ANK1: variants seen among roughly 807,000 people sequenced by gnomAD.
ANK1 encodes ankyrin 1, also known as ankyrin-1.
A neutral mutation model predicts 210.4 loss-of-function variants in ANK1; 51 were observed. The observed-to-expected ratio is 0.24, with a 90% CI of 0.19 to 0.31. The LOEUF (loss-of-function observed/expected upper bound fraction) is 0.31. ANK1 is among the 10% of genes least tolerant of loss of function. The pLI is 1.00. For missense variants in ANK1, 2,051 were observed against 2,504.4 expected, an observed-to-expected ratio of 0.82 and a Z score of 3.86; for synonymous variants, 967 against 1,025.9, an observed-to-expected ratio of 0.94 and a Z score of 1.10.
intron 1 of ANK1, among the ~76,000 whole-genome samples, chr8:41,881,918 G>T (rs903120588): frequency 3.9e-5 from 6 of 152,200 alleles, no homozygotes; most frequent in African/African-American, 1.4e-4. Context: ...ATGGAGAGAA[G>T]ATCAGCCACA....
At position 41,754,874 on chromosome 8, in the gene ANK1, C is replaced by T. The variant is rs1021134556; in HGVS notation, c.129+3162G>A. ...GAACCCTGACCAGCTCCTTTCCAGG[C>T]GCAGCCACCTGCAGCTACCTGTTCT... On this transcript the variant is annotated intron_variant, in intron 2 of 42. Coordinates refer to ENST00000289734, the MANE Select transcript of ANK1 (RefSeq NM_000037.4). Among the ~76,000 whole-genome samples the T allele has an allele frequency of 4.6e-5, 7 of 152,208 alleles. No individual in the cohort carries two copies. In the East Asian group the frequency reaches 7.7e-4, roughly 17 times the overall value.
At chr8:41,661,164 C>T (rs1310625824) in intron 42 of ANK1, 2 of 484,306 alleles carry the variant, frequency 4.1e-6, no homozygotes, top group Non-Finnish European at 7.5e-6. Flanking sequence ...ACATGAGCCA[C>T]TGTGCCCGGC....
At chr8:41,678,003 G>A (rs1814756622) in intron 37 of ANK1, among the ~76,000 whole-genome samples, 1 of 152,044 alleles carries the variant, frequency 6.6e-6, no homozygotes, top group African/African-American at 2.4e-5. Flanking sequence ...TTCACCACTG[G>A]TTTTGACCAG....
intron 1 of ANK1, among the ~76,000 whole-genome samples, chr8:41,854,010 G>A (rs1811749753): frequency 6.6e-6 from 1 of 152,146 alleles, no homozygotes; most frequent in Non-Finnish European, 1.5e-5. Flanking sequence ...TTCCTATGAA[G>A]GACTGAAATG....
chr8:41,870,555 C>T (rs780656415), intron 1 of ANK1, among the ~76,000 whole-genome samples: 4 of 152,166 alleles, frequency 2.6e-5, no homozygotes, highest in African/African-American at 4.8e-5. Flanking sequence ...CCATGGATCA[C>T]GGAAGGAGCT....
At chr8:41,723,298 T>A in intron 8 of ANK1, 75 bp from the exon 9 acceptor site, 1 of 1,491,618 alleles carries the variant, frequency 6.7e-7, no homozygotes, top group Non-Finnish European at 9.3e-7. Flanking sequence ...AGACTGCCTA[T>A]GGCATCATCC....
At chr8:41,768,980 T>TA (rs1842455167) in intron 1 of ANK1, among the ~76,000 whole-genome samples, 1 of 151,528 alleles carries the variant, frequency 6.6e-6, no homozygotes, top group South Asian at 2.1e-4. Context: ...TCTAAAAAAA[T>TA]AAAAATTAAA....
intron 42 of ANK1, among the ~76,000 whole-genome samples, chr8:41,658,516 G>C (rs901811594): frequency 5.9e-5 from 9 of 152,216 alleles, no homozygotes; most frequent in African/African-American, 2.2e-4. Flanking sequence ...GCAGGAGGAG[G>C]CCTTGATTCT....
chr8:41,705,480 C>T (rs549827485), intron 18 of ANK1, among the ~76,000 whole-genome samples: 98 of 152,224 alleles, frequency 6.4e-4, no homozygotes, highest in African/African-American at 2.3e-3. Flanking sequence ...ACATTGTTGC[C>T]GGCATTTCTG....
chr8:41,802,344 A>G (rs1206290280), upstream of ANK1, among the ~76,000 whole-genome samples: 5 of 152,148 alleles, frequency 3.3e-5, no homozygotes, highest in Non-Finnish European at 5.9e-5. Context: ...TATTTTGTGT[A>G]TGATGTGAGT....
rs891304323 is a variant in ANK1 at position 41,717,759 on chromosome 8, A to G, written c.1207-57T>C. On this transcript the variant is annotated intron_variant, in intron 11 of 42. Transcript: ENST00000289734. ...GGGAGTCTTTCCGCTCCCCTGAAGAAGAGAGAACCTGACAGTATCTAACGC... is the reference window on the plus strand; with the variant it reads ...GGGAGTCTTTCCGCTCCCCTGAAGAGGAGAGAACCTGACAGTATCTAACGC... 2.9e-6 allele frequency: 4 copies of G among 1,389,794 alleles called. No homozygotes were observed. In the African/African-American group the frequency reaches 5.7e-5, roughly 20 times the overall value. 86.1% of individuals were successfully genotyped at this position (1,389,794 alleles called of 1,614,324 possible). A position where few individuals can be genotyped will look rare whatever the true frequency, so the allele number is the denominator to read the frequency against.
In ANK1 at chr8:41,835,358, A is replaced by G. The variant is rs1235131295; in HGVS notation, c.126+60997T>C. ...TTCCAGCTCCTCCAGAGGCTGATGC[A>G]GGAGAATCGCTTGAACCCGGGAGGT... On this transcript the variant is annotated intron_variant, in intron 1 of 42. Transcript: ENST00000265709. Among the ~76,000 whole-genome samples, 6 of 152,244 alleles carry G rather than the reference A, an allele frequency of 3.9e-5. No homozygotes were observed. The East Asian group carries it at 1.2e-3, about 29-fold the overall frequency.
At chr8:41,734,125 C>G in intron 2 of ANK1, 56 bp from the exon 3 acceptor site, 1 of 1,467,512 alleles carries the variant, frequency 6.8e-7, no homozygotes, top group Non-Finnish European at 9.5e-7. Context: ...GCTTTCTGCA[C>G]GTCCCAGTGG....
At position 41,715,774 on chromosome 8, in the gene ANK1, C is replaced by T. The variant is rs190256257; in HGVS notation, c.1480G>A (p.Ala494Thr). 1.4e-4 allele frequency: 221 copies of T among 1,614,152 alleles called. 1 individual carries two copies. The highest frequency in any genetic ancestry group is 1.7e-4 in the Non-Finnish European group (199 of 1,180,036). Residue 494 changes from alanine to threonine, a missense_variant, in exon 14 of 43, where the codon GCC becomes ACC. Around this residue, in one of 6 missense-constraint regions of ANK1, gnomAD observed 1,413 missense variants for 1,707.4 expected, o/e 0.83. Transcript: ENST00000289734. Reference protein sequence around the residue: ...NMVKLLLENNANPNLATTAGH... With the variant: ...NMVKLLLENNTNPNLATTAGH... ...GCGGTGGTGGCCAGGTTGGGGTTGGCGTTATTTTCCAGCAGGAGCTTCACC... is the reference window on the plus strand; with the variant it reads ...GCGGTGGTGGCCAGGTTGGGGTTGGTGTTATTTTCCAGCAGGAGCTTCACC...
At chr8:41,661,114 A>G in intron 42 of ANK1, 1 of 401,076 alleles carries the variant, frequency 2.5e-6, no homozygotes, top group South Asian at 2.2e-5. Flanking sequence ...GGCCTAAAGC[A>G]ATCCTTTTGC....
chr8:41,832,980 C>T (rs185669138), intron 1 of ANK1, among the ~76,000 whole-genome samples: 124 of 152,318 alleles, frequency 8.1e-4, no homozygotes, highest in African/African-American at 2.9e-3. Flanking sequence ...ACTCTCAAGA[C>T]ACCTGCCCCA....
chr8:41,695,121 A>T, intron 27 of ANK1, 56 bp downstream of exon 27: 1 of 1,610,870 alleles, frequency 6.2e-7, no homozygotes, highest in Middle Eastern at 1.6e-4. Context: ...TTAAGGTGCA[A>T]CTCAAACCCC....
intron 1 of ANK1, among the ~76,000 whole-genome samples, chr8:41,822,126 AAGAAAGAGAAAGAAAG>A (rs1804494486): frequency 6.7e-5 from 2 of 29,772 alleles, no homozygotes; most frequent in African/African-American, 2.5e-4. Flanking sequence ...AAGAAAGAGA[AAGAAAGAGAAAGAAAG>A]AAAGAAAGAA....
chr8:41,730,263 T>C (rs1423066591), intron 3 of ANK1, among the ~76,000 whole-genome samples: 1 of 152,132 alleles, frequency 6.6e-6, no homozygotes. Flanking sequence ...CCCTGGGGGC[T>C]GGGAAGCAGC....
Sources: allele counts gnomAD v4.1 joint callset (sites outside exome capture counted in the v4.1 genomes callset), GRCh38; gene constraint gnomAD v4.1.1; regional missense constraint gnomAD v4.1.1; transcripts MANE v1.5; gene names NCBI Gene and HGNC (gene_info 2026-07-23, HGNC 2026-07-21).